Variants in XKR9 observed in about 807,000 individuals in gnomAD.
XKR9 encodes XK related 9, also known as XK-related protein 9.
Under a neutral mutation model 32.0 loss-of-function variants are expected in XKR9, and 32 were observed. That is an observed-to-expected ratio of 1.00 (90% CI 0.76 to 1.34). XKR9 has a LOEUF of 1.34. XKR9 is among the 40% of genes most tolerant of loss of function. The probability of loss-of-function intolerance (pLI) is 0.00; values close to 1 mark genes in which losing one functional copy is unlikely to be tolerated. For synonymous variants in XKR9, 168 were observed against 143.4 expected, an observed-to-expected ratio of 1.17 and a Z score of -1.22; for missense variants, 546 against 429.7, an observed-to-expected ratio of 1.27 and a Z score of -2.39.
At chr8:70,742,492 G>T (rs535995272) in intron 2 of XKR9, among the ~76,000 whole-genome samples, 2 of 152,084 alleles carry the variant, frequency 1.3e-5, no homozygotes, top group East Asian at 3.9e-4. Flanking sequence ...AGTGTTCTTC[G>T]TTTTTTTCTG....
chr8:71,013,340 G>A, the XKR9 span, among the ~76,000 whole-genome samples: 65,653 of 151,848 alleles, frequency 0.43, 15,255 homozygotes, highest in Non-Finnish European at 0.53. Flanking sequence ...AGGAACTTAT[G>A]TCAGGTTCCC....
At chr8:70,836,618 G>GT in the XKR9 span, among the ~76,000 whole-genome samples, 72 of 150,798 alleles carry the variant, frequency 4.8e-4, no homozygotes, top group African/African-American at 1.2e-3. Flanking sequence ...GATATTTGGG[G>GT]TTTTTTTTTG....
intron 2 of XKR9, chr8:70,781,052 C>A (rs1269636125): frequency 6.6e-6 from 1 of 152,094 alleles, no homozygotes; most frequent in African/African-American, 2.4e-5. Context: ...CTCTTCCTTT[C>A]TTTTCCTCAC....
chr8:70,696,961 C>T (rs1805302698), intron 3 of XKR9, among the ~76,000 whole-genome samples: 1 of 150,972 alleles, frequency 6.6e-6, no homozygotes, highest in African/African-American at 2.4e-5. Context: ...AATGGGAGTT[C>T]ACTCATGATT....
At chr8:70,911,291 T>TTGA in the XKR9 span, among the ~76,000 whole-genome samples, 1 of 152,236 alleles carries the variant, frequency 6.6e-6, no homozygotes, top group Non-Finnish European at 1.5e-5. Flanking sequence ...TTTGACTTTC[T>TTGA]TGATATTCAA....
chr8:71,005,109 G>A, the XKR9 span, among the ~76,000 whole-genome samples: 1 of 142,766 alleles, frequency 7.0e-6, no homozygotes, highest in African/African-American at 2.6e-5. Context: ...GAGATTACAG[G>A]TATAAGCCAC....
At chr8:70,827,029 C>A in the XKR9 span, among the ~76,000 whole-genome samples, 5 of 152,078 alleles carry the variant, frequency 3.3e-5, no homozygotes, top group Non-Finnish European at 7.4e-5. Flanking sequence ...CGGTGCTAAT[C>A]TGATTAGTAA....
chr8:70,936,545 T>C, the XKR9 span, among the ~76,000 whole-genome samples: 2,632 of 152,220 alleles, frequency 0.017, 40 homozygotes, highest in South Asian at 0.041. Context: ...TTGAAAGGGA[T>C]GGACAGTGTA....
the XKR9 span, among the ~76,000 whole-genome samples, chr8:70,989,424 A>T: frequency 2.5e-4 from 38 of 152,352 alleles, no homozygotes; most frequent in East Asian, 4.2e-3. Flanking sequence ...TTAAATTACA[A>T]AATATTTTCA....
intron 4 of XKR9, among the ~76,000 whole-genome samples, chr8:70,720,189 G>A (rs533163522): frequency 1.1e-3 from 166 of 152,084 alleles, no homozygotes; most frequent in Non-Finnish European, 1.7e-3. Context: ...TCAGCTTAAC[G>A]AGTTTTTGGG....
intron 2 of XKR9, among the ~76,000 whole-genome samples, chr8:70,750,051 G>A (rs1025249594): frequency 6.6e-6 from 1 of 152,074 alleles, no homozygotes; most frequent in Non-Finnish European, 1.5e-5. Flanking sequence ...GCACTTATGT[G>A]CATGGTAGGA....
At chr8:70,744,439 C>G (rs902719402) in intron 2 of XKR9, among the ~76,000 whole-genome samples, 1 of 152,136 alleles carries the variant, frequency 6.6e-6, no homozygotes, top group Non-Finnish European at 1.5e-5. Flanking sequence ...ATCATCACTA[C>G]CCTTTAACTG....
the XKR9 span, among the ~76,000 whole-genome samples, chr8:70,979,782 T>C: frequency 6.6e-6 from 1 of 152,364 alleles, no homozygotes; most frequent in East Asian, 1.9e-4. Context: ...GAACCACTGC[T>C]GTCTTCAGAG....
At chr8:70,683,332 A>C (rs796778874) in intron 3 of XKR9, among the ~76,000 whole-genome samples, 14 of 152,242 alleles carry the variant, frequency 9.2e-5, no homozygotes, top group African/African-American at 3.4e-4. Flanking sequence ...TATTGTTGTC[A>C]TTTTAATGCC....
the XKR9 span, among the ~76,000 whole-genome samples, chr8:70,947,333 G>A: frequency 8.5e-5 from 13 of 152,122 alleles, no homozygotes; most frequent in African/African-American, 2.9e-4. Flanking sequence ...TTCCCTTTTC[G>A]ATTGATTGCC....
At chr8:71,033,511 T>C in the XKR9 span, among the ~76,000 whole-genome samples, 894 of 152,268 alleles carry the variant, frequency 5.9e-3, 5 homozygotes, top group Non-Finnish European at 9.9e-3. Flanking sequence ...AAAACTCATA[T>C]TGAAATTTTA....
At chr8:70,860,526 A>G in the XKR9 span, among the ~76,000 whole-genome samples, 1 of 152,228 alleles carries the variant, frequency 6.6e-6, no homozygotes, top group African/African-American at 2.4e-5. Flanking sequence ...AATCTCTTCT[A>G]AACTTAATTT....
the XKR9 span, among the ~76,000 whole-genome samples, chr8:71,038,055 T>C: frequency 6.6e-6 from 1 of 152,178 alleles, no homozygotes; most frequent in South Asian, 2.1e-4. Flanking sequence ...GTACAGAGTT[T>C]ATACTTTTCT....
At chr8:70,858,696 A>G in the XKR9 span, among the ~76,000 whole-genome samples, 5 of 152,112 alleles carry the variant, frequency 3.3e-5, no homozygotes, top group African/African-American at 1.2e-4. Context: ...ACCCAGATAT[A>G]AATCCTTGCA....
Sources: allele counts gnomAD v4.1 joint callset (sites outside exome capture counted in the v4.1 genomes callset), GRCh38; gene constraint gnomAD v4.1.1; transcripts MANE v1.5; gene names NCBI Gene and HGNC (gene_info 2026-07-23, HGNC 2026-07-21).